Variants in CDCA5 observed in about 807,000 individuals in gnomAD.
CDCA5 encodes cell division cycle associated 5.
A neutral mutation model predicts 25.7 loss-of-function variants in CDCA5; 14 were observed. That is an observed-to-expected ratio of 0.54 (90% CI 0.36 to 0.85). The LOEUF is 0.85. Ranked by LOEUF, CDCA5 falls within the 40% of genes least tolerant of loss-of-function variation. CDCA5 has a pLI of 0.01. For missense variants in CDCA5, 307 were observed against 324.5 expected, an observed-to-expected ratio of 0.95 and a Z score of 0.41; for synonymous variants, 127 against 128.7, an observed-to-expected ratio of 0.99 and a Z score of 0.09.
At chr11:65,081,279 T>A (rs965464617) in intron 4 of CDCA5, among the ~76,000 whole-genome samples, 1 of 150,918 alleles carries the variant, frequency 6.6e-6, no homozygotes, top group African/African-American at 2.4e-5. Flanking sequence ...ACAAAAAAAA[T>A]TAGCCAGGTG....
downstream of CDCA5, among the ~76,000 whole-genome samples, chr11:65,074,845 T>C (rs1947409990): frequency 6.6e-6 from 1 of 151,424 alleles, no homozygotes; most frequent in African/African-American, 2.4e-5. Flanking sequence ...GTGGATCACC[T>C]GAGGTCGGGA....
chr11:65,071,441 T>C (rs116123142), intron 1 of CDCA5, among the ~76,000 whole-genome samples: 1,609 of 150,832 alleles, frequency 0.011, 25 homozygotes, highest in African/African-American at 0.036. Flanking sequence ...CTGCCTTCCA[T>C]GTTCAGGCAA....
rs149675910 is a variant in CDCA5 at position 65,067,991 on chromosome 11, ACTCT to A, written c.269+32_269+35del. Reference sequence around the variant, plus strand: ...CGTGCCTGCATGTGCCTGCATGGGCACTCTCTCTCTCTCTCTCTCTCTCATGCAG... The same window carrying A: ...CGTGCCTGCATGTGCCTGCATGGGCACTCTCTCTCTCTCTCTCTCATGCAG... On this transcript the variant is annotated intron_variant, in intron 3 of 6. Transcript: ENST00000525464. 4.0e-3 allele frequency: 4,291 copies of A among 1,081,386 alleles called. 1 individual carries two copies. The highest frequency in any genetic ancestry group is 4.6e-3 in the Non-Finnish European group (3,730 of 815,158). The allele number at this position is 1,081,386 out of a possible 1,614,324, so 67.0% of individuals were successfully genotyped here. A position where few individuals can be genotyped will look rare whatever the true frequency, so the allele number is the denominator to read the frequency against.
In CDCA5 at chr11:65,068,510, G is replaced by C. The variant is rs1211325101; in HGVS notation, c.155C>G (p.Ala52Gly). 75 of 1,289,242 alleles carry C rather than the reference G, an allele frequency of 5.8e-5. 2 individuals carry two copies. In the Admixed American group the frequency reaches 1.7e-3, roughly 30 times the overall value. The allele number at this position is 1,289,242 out of a possible 1,614,324, so 79.9% of individuals were successfully genotyped here. The change falls in exon 2 of 7, where the codon GCT becomes GGT. Residue 52 changes from alanine to glycine, a missense_variant. By Grantham distance (60) the Ala-to-Gly change is moderately conservative (BLOSUM62 0). Coordinates refer to the CDCA5 transcript ENST00000525464. ...CACCTCCAAGTTCCGCTCCTCGGAA[G>C]CCTGAGGGCCCTTGGGTTCTTGCTC...
chr11:65,077,886 C>A lies in CDCA5; in HGVS notation c.*1221G>T. ...CCTCTGCACACCTCAGCGTCTACTT[C>A]CACGAACTTCTAAACATCAAAAGGT... On this transcript the variant is annotated 3_prime_UTR_variant, in exon 6 of 6. Transcript: ENST00000275517. 1.0e-6 allele frequency: 1 copy of A among 985,738 alleles called. No individual in the cohort carries two copies. The highest frequency in any genetic ancestry group is 1.2e-6 in the Non-Finnish European group (1 of 830,088). 61.1% of individuals were successfully genotyped at this position (985,738 alleles called of 1,614,324 possible).
chr11:65,070,475 T>A (rs1947319054), intron 1 of CDCA5, among the ~76,000 whole-genome samples: 1 of 151,910 alleles, frequency 6.6e-6, no homozygotes, highest in East Asian at 1.9e-4. Flanking sequence ...AAACGATGAA[T>A]TTTTTTTTGA....
Position 65,083,645 on chromosome 11 carries a change from G to T in CDCA5, c.125C>A (p.Pro42His). 6.2e-7 allele frequency: 1 copy of T among 1,614,236 alleles called. No homozygotes were observed. Among genetic ancestry groups the T allele is most frequent in the Non-Finnish European group, 8.5e-7 (1 of 1,180,046 alleles). Residue 42 changes from proline to histidine, a missense_variant, in exon 2 of 6, where the codon CCT becomes CAT. Transcript: ENST00000275517. ...GGGGCTCACCTTCGGCCAGATTTCAGGGAGGATGCTCGGGAGTTCAGAGCC... is the reference window on the plus strand; with the variant it reads ...GGGGCTCACCTTCGGCCAGATTTCATGGAGGATGCTCGGGAGTTCAGAGCC... ...KSGSELPSILPEIWPKTPSAA... is the reference protein window; with the variant it reads ...KSGSELPSILHEIWPKTPSAA...
At chr11:65,067,946 C>A (rs1333624840) in intron 3 of CDCA5, 5 of 1,009,802 alleles carry the variant, frequency 5.0e-6, no homozygotes, top group South Asian at 2.7e-5. Flanking sequence ...GAAACACCAT[C>A]CACCTCCCCC....
downstream of CDCA5, among the ~76,000 whole-genome samples, chr11:65,062,584 G>A (rs1453977432): frequency 6.6e-6 from 1 of 152,058 alleles, no homozygotes; most frequent in Non-Finnish European, 1.5e-5. Flanking sequence ...GGTCCTTTGT[G>A]TCTTTGCTCA....
intron 4 of CDCA5, among the ~76,000 whole-genome samples, chr11:65,080,858 G>C (rs1947550594): frequency 6.6e-6 from 1 of 152,204 alleles, no homozygotes; most frequent in Non-Finnish European, 1.5e-5. Flanking sequence ...TATTATGTTA[G>C]CAGTATCAAG....
chr11:65,075,010 C>T (rs559394384), downstream of CDCA5, among the ~76,000 whole-genome samples: 9 of 147,564 alleles, frequency 6.1e-5, no homozygotes, highest in African/African-American at 2.0e-4. Context: ...TGTGGTGAGC[C>T]GAGATCGTGC....
At chr11:65,070,562 C>T (rs1420993876) in intron 1 of CDCA5, among the ~76,000 whole-genome samples, 1 of 152,200 alleles carries the variant, frequency 6.6e-6, no homozygotes, top group Admixed American at 6.5e-5. Context: ...TGGCTCACTG[C>T]AGCCTCGACT....
chr11:65,078,426 C>T lies in CDCA5; in HGVS notation c.*681G>A. Reference sequence around the variant, plus strand: ...ACCTGGCATTTACCAAACATCTCAACAGCAGACCAGAACTAGAAAACACAG... The same window carrying T: ...ACCTGGCATTTACCAAACATCTCAATAGCAGACCAGAACTAGAAAACACAG... On this transcript the variant is annotated 3_prime_UTR_variant, in exon 6 of 6. Coordinates refer to ENST00000275517, the MANE Select transcript of CDCA5 (RefSeq NM_080668.4). 3.0e-6 allele frequency: 3 copies of T among 985,660 alleles called. No individual in the cohort carries two copies. Among genetic ancestry groups the T allele is most frequent in the Non-Finnish European group, 3.6e-6 (3 of 830,002 alleles). The allele number at this position is 985,660 out of a possible 1,614,324, so 61.1% of individuals were successfully genotyped here.
intron 3 of CDCA5, 30 bp from the exon 4 acceptor site, chr11:65,083,429 A>C: frequency 1.2e-6 from 2 of 1,614,160 alleles, no homozygotes; most frequent in Non-Finnish European, 1.7e-6. Flanking sequence ...TTGATCACAT[A>C]GCTGGTCCCC....
chr11:65,063,901 G>A (rs563562742), downstream of CDCA5, among the ~76,000 whole-genome samples: 2 of 152,308 alleles, frequency 1.3e-5, no homozygotes, highest in African/African-American at 4.8e-5. Flanking sequence ...GGGACTGCTT[G>A]GATGCAGTGT....
At chr11:65,082,598 G>GA (rs1334335538) in intron 4 of CDCA5, among the ~76,000 whole-genome samples, 2 of 151,788 alleles carry the variant, frequency 1.3e-5, no homozygotes, top group African/African-American at 4.8e-5. Context: ...GAGTAGCTGG[G>GA]ACTATAGGCA....
At chr11:65,067,011 C>T in intron 4 of CDCA5, 1 of 532,272 alleles carries the variant, frequency 1.9e-6, no homozygotes. Context: ...AGTAAGAGCC[C>T]AGTCTTCCTG....
downstream of CDCA5, among the ~76,000 whole-genome samples, chr11:65,076,290 C>A (rs961810764): frequency 3.2e-5 from 1 of 30,812 alleles, no homozygotes; most frequent in African/African-American, 6.9e-5. Context: ...ATTTTTTTTA[C>A]ATTTTTTGTA....
At position 65,079,588 on chromosome 11, in the gene CDCA5, C is replaced by T. The variant is rs779482681; in HGVS notation, c.443G>A (p.Arg148Gln). The T allele has an allele frequency of 3.1e-6, 5 of 1,613,258 alleles. No individual in the cohort carries two copies. Among genetic ancestry groups the T allele is most frequent in the African/African-American group, 2.7e-5 (2 of 74,974 alleles). ...MSKKVRRSYS[R>Q]LETLGSASTS... is the part of the protein sequence containing the mutation. ...AGAGGCAGAGCCCAGGGTCTCCAGC[C>T]GGCTGTAGGAACGCCTGACTTTCTT... Residue 148 changes from arginine (R) to glutamine (Q), a missense_variant, in exon 5 of 6, where the codon CGG (arginine) becomes CAG (glutamine). Transcript: ENST00000275517.
Sources: allele counts gnomAD v4.1 joint callset (sites outside exome capture counted in the v4.1 genomes callset), GRCh38; gene constraint gnomAD v4.1.1; transcripts MANE v1.5; gene names NCBI Gene and HGNC (gene_info 2026-07-23, HGNC 2026-07-21).